RASAL2: variants seen among roughly 807,000 people sequenced by gnomAD.
RASAL2 encodes the protein RAS protein activator like 2, also known as ras GTPase-activating protein nGAP.
In RASAL2, 58 loss-of-function variants were observed where a neutral mutation model predicts 128.9. The ratio of observed to expected loss-of-function variants is 0.45; its 90% CI spans 0.36 to 0.56. The LOEUF is 0.56. RASAL2 is among the 20% of genes least tolerant of loss of function. RASAL2 has a pLI of 0.00. For synonymous variants in RASAL2, 561 were observed against 580.8 expected, an observed-to-expected ratio of 0.97 and a Z score of 0.49; for missense variants, 1,360 against 1,601.6, an observed-to-expected ratio of 0.85 and a Z score of 2.57.
intron 1 of RASAL2, among the ~76,000 whole-genome samples, chr1:178,146,124 A>G (rs1476880904): frequency 6.6e-6 from 1 of 152,224 alleles, no homozygotes; most frequent in Non-Finnish European, 1.5e-5. Context: ...AATTTTCAGT[A>G]TATTTTCCAT....
intron 3 of RASAL2, among the ~76,000 whole-genome samples, chr1:178,381,816 A>G (rs1672301889): frequency 6.6e-6 from 1 of 152,166 alleles, no homozygotes; most frequent in Admixed American, 6.5e-5. Context: ...AAGCATATTA[A>G]TAATGAGTAT....
Position 178,287,580 on chromosome 1 carries a change from C to T in RASAL2, c.330+3889C>T, listed in dbSNP as rs569612263. On this transcript the variant is annotated intron_variant, in intron 2 of 17. Transcript: ENST00000367649. The stretch of plus-strand genomic sequence containing the variant: ...AGCACAATTCGCAATTGCAAAAATA[C>T]GGAACCAGCCCAAATGCCCATCAAT... Among the ~76,000 whole-genome samples the T allele has an allele frequency of 1.6e-4, 25 of 152,094 alleles. No individual in the cohort carries two copies. In the South Asian group the frequency reaches 3.7e-3, roughly 23 times the overall value.
intron 5 of RASAL2, among the ~76,000 whole-genome samples, chr1:178,434,494 C>T (rs1341564259): frequency 6.6e-6 from 1 of 152,070 alleles, no homozygotes; most frequent in Non-Finnish European, 1.5e-5. Context: ...CCAGCTGGTC[C>T]CATTAGACCA....
chr1:178,369,324 C>T (rs1671577238), intron 3 of RASAL2, among the ~76,000 whole-genome samples: 1 of 152,040 alleles, frequency 6.6e-6, no homozygotes, highest in African/African-American at 2.4e-5. Flanking sequence ...CGGGTTCAAG[C>T]AATTCTCCTG....
rs754098922 is a variant in RASAL2, at chr1:178,458,547, A to C, written c.3252+3A>C. The C allele has an allele frequency of 1.2e-6, 2 of 1,600,884 alleles. No individual in the cohort carries two copies. The highest frequency in any genetic ancestry group is 2.2e-5 in the East Asian group (1 of 44,774). On this transcript the variant is annotated splice_donor_region_variant and intron_variant, in intron 14 of 17. Transcript: ENST00000367649. ...TCCAGAGACAACAGACACAGCAGGTAGGTGTGAGTGCTGAAGGGGCCTGGC... is the reference window on the plus strand; with the variant it reads ...TCCAGAGACAACAGACACAGCAGGTCGGTGTGAGTGCTGAAGGGGCCTGGC...
At chr1:178,128,888 T>G (rs139210854) in intron 1 of RASAL2, among the ~76,000 whole-genome samples, 5,012 of 152,234 alleles carry the variant, frequency 0.033, 112 homozygotes, top group Non-Finnish European at 0.048. Flanking sequence ...CTGAATAAGA[T>G]TCTATTGTAT....
chr1:178,372,106 A>G, intron 3 of RASAL2: 3 of 932,502 alleles, frequency 3.2e-6, no homozygotes, highest in Non-Finnish European at 3.8e-6. Context: ...GGAGGATCAC[A>G]TTTTCTCTTT....
intron 1 of RASAL2, among the ~76,000 whole-genome samples, chr1:178,117,998 C>T (rs754244966): frequency 1.6e-4 from 24 of 151,730 alleles, no homozygotes; most frequent in Non-Finnish European, 3.2e-4. Context: ...AACTCCGTCT[C>T]GACTAAATAC....
At chr1:178,164,481 T>TTGTGTGTG (rs35942778) in intron 1 of RASAL2, among the ~76,000 whole-genome samples, 27 of 145,100 alleles carry the variant, frequency 1.9e-4, no homozygotes, top group East Asian at 1.4e-3. Flanking sequence ...TAATTAGCAT[T>TTGTGTGTG]TGTGTGTGTG....
chr1:178,113,753 A>G (rs1174764674), intron 1 of RASAL2, among the ~76,000 whole-genome samples: 1 of 152,094 alleles, frequency 6.6e-6, no homozygotes, highest in Non-Finnish European at 1.5e-5. Context: ...GATTGTGTTA[A>G]ATCTATAGAT....
intron 3 of RASAL2, among the ~76,000 whole-genome samples, chr1:178,345,054 C>A (rs1448430462): frequency 6.6e-6 from 1 of 152,050 alleles, no homozygotes; most frequent in Non-Finnish European, 1.5e-5. Flanking sequence ...CAGATGAAGG[C>A]CTTTGTCCTC....
At chr1:178,195,799 G>A (rs1379720603) in intron 1 of RASAL2, among the ~76,000 whole-genome samples, 2 of 151,938 alleles carry the variant, frequency 1.3e-5, no homozygotes, top group Non-Finnish European at 2.9e-5. Context: ...AAAAAAATAA[G>A]CTAATTATGA....
chr1:178,247,570 C>G lies in RASAL2; in HGVS notation c.203-35994C>G, dbSNP rs192340462. ...GAGTTTTTCGTGTCTCTATCTCCTT[C>G]AGTTCTGCACTGATCTTAGTTATTT... On this transcript the variant is annotated intron_variant, in intron 1 of 17. Coordinates refer to ENST00000367649, the MANE Select transcript of RASAL2 (RefSeq NM_170692.4). Among the ~76,000 whole-genome samples the G allele has an allele frequency of 1.2e-4, 19 of 152,268 alleles. No individual in the cohort carries two copies. The East Asian group carries it at 3.5e-3, about 28-fold the overall frequency.
At chr1:178,180,512 C>T (rs61813804) in intron 1 of RASAL2, among the ~76,000 whole-genome samples, 1 of 140,292 alleles carries the variant, frequency 7.1e-6, no homozygotes, top group Admixed American at 7.1e-5. Context: ...AAAAAAAACC[C>T]ACAAAAAGTA....
intron 1 of RASAL2, among the ~76,000 whole-genome samples, chr1:178,109,548 G>A (rs1203133430): frequency 6.6e-6 from 1 of 152,010 alleles, no homozygotes; most frequent in African/African-American, 2.4e-5. Context: ...TGTATTTCAA[G>A]GACTCAGAAA....
intron 1 of RASAL2, among the ~76,000 whole-genome samples, chr1:178,235,853 C>G (rs756181562): frequency 6.6e-6 from 1 of 152,058 alleles, no homozygotes; most frequent in Non-Finnish European, 1.5e-5. Context: ...AAATAACTGA[C>G]TAGTTTGATT....
intron 1 of RASAL2, among the ~76,000 whole-genome samples, chr1:178,175,471 T>TGTGA (rs777301625): frequency 5.3e-5 from 8 of 151,790 alleles, no homozygotes; most frequent in African/African-American, 1.2e-4. Flanking sequence ...TGTGTGTGTG[T>TGTGA]GATAACTATG....
intron 4 of RASAL2, among the ~76,000 whole-genome samples, chr1:178,391,695 TTTAAC>T (rs1167502821): frequency 6.6e-6 from 1 of 152,204 alleles, no homozygotes; most frequent in African/African-American, 2.4e-5. Flanking sequence ...CTTTGAGATA[TTTAAC>T]TTAGAGTTGT....
intron 1 of RASAL2, among the ~76,000 whole-genome samples, chr1:178,107,832 A>C (rs1477664093): frequency 2.0e-5 from 3 of 152,144 alleles, no homozygotes; most frequent in Admixed American, 2.0e-4. Flanking sequence ...TGTATGTATA[A>C]ACTATATTTT....
Sources: gnomAD v4.1 joint callset for allele counts (sites outside exome capture counted in the v4.1 genomes callset) on GRCh38, gnomAD v4.1.1 for gene constraint, MANE v1.5 for transcripts, NCBI Gene and HGNC (gene_info 2026-07-23, HGNC 2026-07-21) for gene names.